The following DNAH11 variants were observed in gnomAD, a reference collection of about 807,000 sequenced individuals.
The protein encoded by DNAH11 is axonemal beta dynein heavy chain 11.
DNAH11 carries 442 observed loss-of-function variants against 526.0 expected under a neutral mutation model. The observed-to-expected ratio is 0.84, with a 90% CI of 0.78 to 0.91. The LOEUF (loss-of-function observed/expected upper bound fraction) is 0.91, where lower values mean the gene tolerates loss of function less well. Among genes scored for constraint, DNAH11 ranks in the 40% least tolerant of loss-of-function variants. The pLI, the probability that DNAH11 is intolerant of heterozygous loss-of-function variation, is 0.00. For synonymous variants in DNAH11, 2,461 were observed against 1,935.9 expected (o/e 1.27, Z -7.12); for missense variants, 6,989 against 5,448.7 (o/e 1.28, Z -8.90).
chr7:21,858,585 G>A (rs1409677621), intron 68 of DNAH11, among the ~76,000 whole-genome samples: 1 of 152,166 alleles, frequency 6.6e-6, no homozygotes, highest in Non-Finnish European at 1.5e-5. Context: ...GTCACCAAAC[G>A]ATTATGTTGA....
intron 45 of DNAH11, among the ~76,000 whole-genome samples, chr7:21,730,875 G>T (rs1263109944): frequency 1.3e-5 from 2 of 152,166 alleles, no homozygotes; most frequent in Non-Finnish European, 2.9e-5. Flanking sequence ...TGGGTGCAGT[G>T]GCTCACACCT....
chr7:21,570,590 G>A (rs564575134), intron 7 of DNAH11: 1 of 230,366 alleles, frequency 4.3e-6, no homozygotes, highest in Admixed American at 5.4e-5. Flanking sequence ...AGAGAGAGTT[G>A]TAAGTCAGGA....
At chr7:21,752,472 C>T (rs934892153) in intron 54 of DNAH11, among the ~76,000 whole-genome samples, 1 of 151,974 alleles carries the variant, frequency 6.6e-6, no homozygotes, top group African/African-American at 2.4e-5. Flanking sequence ...TGTAAGAGTT[C>T]TATGTATTTA....
At chr7:21,583,570 A>C (rs1010880760) in intron 9 of DNAH11, among the ~76,000 whole-genome samples, 1 of 152,260 alleles carries the variant, frequency 6.6e-6, no homozygotes, top group African/African-American at 2.4e-5. Flanking sequence ...AACAAAAGCC[A>C]AAATTGACAA....
At chr7:21,628,341 G>T (rs992066515) in intron 25 of DNAH11, among the ~76,000 whole-genome samples, 3 of 152,090 alleles carry the variant, frequency 2.0e-5, no homozygotes, top group Non-Finnish European at 2.9e-5. Context: ...AATACAAAGA[G>T]TGAAAATGGG....
chr7:21,619,355 A>C (rs1006730926), intron 24 of DNAH11, 133 bp downstream of exon 24: 2 of 1,003,850 alleles, frequency 2.0e-6, no homozygotes, highest in Non-Finnish European at 2.9e-6. Context: ...CCTGCTGTTC[A>C]TTAGGTGTGG....
chr7:21,699,515 C>T (rs1562496548), intron 36 of DNAH11, among the ~76,000 whole-genome samples: 1 of 152,162 alleles, frequency 6.6e-6, no homozygotes, highest in Non-Finnish European at 1.5e-5. Context: ...AGTTACCTTA[C>T]TGCCACGTAT....
rs57333575 is a variant in DNAH11 at position 21,873,784 on chromosome 7, CTTTTTTTTTTT to C, written c.12195+297_12195+307del. Among the ~76,000 whole-genome samples, 10 of 70,700 alleles carry C rather than the reference CTTTTTTTTTTT, an allele frequency of 1.4e-4. 1 individual carries two copies. The highest frequency in any genetic ancestry group is 5.0e-4 in the Admixed American group (2 of 3,968). 46.4% of individuals were successfully genotyped at this position (70,700 alleles called of 152,430 possible). ...ACTAGGTAACTTCTTGAGGAGGTTGCTTTTTTTTTTTTTTTTTTTTTTTTGAGACGGAATCT... is the reference window on the plus strand; with the variant it reads ...ACTAGGTAACTTCTTGAGGAGGTTGCTTTTTTTTTTTTTGAGACGGAATCT... On this transcript the variant is annotated intron_variant, in intron 74 of 81. Coordinates refer to ENST00000409508, the MANE Select transcript of DNAH11 (RefSeq NM_001277115.2).
chr7:21,657,609 C>T (rs1338275314), intron 29 of DNAH11, among the ~76,000 whole-genome samples: 1 of 152,160 alleles, frequency 6.6e-6, no homozygotes, highest in Admixed American at 6.5e-5. Flanking sequence ...AGGAGACATA[C>T]AATAATGACT....
rs181805158 is a variant in DNAH11, at chr7:21,606,488, A to G, written c.3711A>G (p.Ser1237=). 3 of 1,611,252 alleles carry G rather than the reference A, an allele frequency of 1.9e-6. No homozygotes were observed. Among genetic ancestry groups the G allele is most frequent in the Non-Finnish European group, 2.5e-6 (3 of 1,179,298 alleles). ...KIAATVRHEV[S]PLHNAEVTLI... ...CAGCAACTGTCAGACATGAAGTCTC[A>G]CCTCTCCATAATGCGGAAGTCACTC... Residue 1237 remains serine, a synonymous_variant, in exon 19 of 82, where the codon TCA becomes TCG. Transcript: ENST00000409508.
chr7:21,720,946 TG>T, intron 44 of DNAH11, 90 bp downstream of exon 44: 1 of 1,475,740 alleles, frequency 6.8e-7, no homozygotes, highest in Non-Finnish European at 9.1e-7. Context: ...TGTACCTTTT[TG>T]TTATGTTATA....
chr7:21,670,149 G>A (rs1370852579), intron 30 of DNAH11, among the ~76,000 whole-genome samples: 1 of 151,930 alleles, frequency 6.6e-6, no homozygotes, highest in African/African-American at 2.4e-5. Flanking sequence ...AATAATTATG[G>A]TTCTTATAAC....
At chr7:21,620,785 A>C (rs566234144) in intron 25 of DNAH11, among the ~76,000 whole-genome samples, 1 of 136,112 alleles carries the variant, frequency 7.3e-6, no homozygotes, top group South Asian at 2.4e-4. Context: ...TCATTGTTCA[A>C]TTCCCACCTA....
chr7:21,564,473 T>A, intron 6 of DNAH11, 76 bp downstream of exon 6: 2 of 1,051,856 alleles, frequency 1.9e-6, no homozygotes, highest in South Asian at 3.4e-5. Flanking sequence ...TGAAGAATAA[T>A]CTAGTATACA....
chr7:21,585,340 A>G (rs1482663953), intron 9 of DNAH11, among the ~76,000 whole-genome samples: 4 of 152,168 alleles, frequency 2.6e-5, no homozygotes, highest in African/African-American at 9.6e-5. Flanking sequence ...ATGGCAGAGG[A>G]AAAAATTACA....
intron 76 of DNAH11, among the ~76,000 whole-genome samples, chr7:21,892,217 T>C (rs1784350602): frequency 6.6e-6 from 1 of 152,154 alleles, no homozygotes; most frequent in Non-Finnish European, 1.5e-5. Context: ...GGGATAGGAT[T>C]AATGTGTGTT....
chr7:21,587,891 T>G (rs1245546696), intron 9 of DNAH11, among the ~76,000 whole-genome samples, 173 bp from the exon 10 acceptor site: 4 of 152,206 alleles, frequency 2.6e-5, no homozygotes, highest in Admixed American at 1.3e-4. Context: ...GTTTATTGGA[T>G]GTACAGAAAT....
chr7:21,698,191 G>A lies in DNAH11; in HGVS notation c.6158G>A (p.Cys2053Tyr), dbSNP rs1370090094. ...AAGTTCATTACGTTGTACACGCTTT[G>A]CAAGGAGCTTCTCTCCAAGCAGGTG... ...ARKFITLYTL[C>Y]KELLSKQDHY... Residue 2053 changes from cysteine (C) to tyrosine (Y), a missense_variant, in exon 36 of 82, where the codon TGC becomes TAC. Physicochemically the swap from Cys to Tyr is radical, Grantham distance 194. Coordinates refer to ENST00000409508, the MANE Select transcript of DNAH11 (RefSeq NM_001277115.2). 6.2e-7 allele frequency: 1 copy of A among 1,613,484 alleles called. No homozygotes were observed. Among genetic ancestry groups the A allele is most frequent in the Non-Finnish European group, 8.5e-7 (1 of 1,179,650 alleles).
At chr7:21,618,913 A>G (rs898205989) in intron 23 of DNAH11, among the ~76,000 whole-genome samples, 187 bp from the exon 24 acceptor site, 1 of 152,220 alleles carries the variant, frequency 6.6e-6, no homozygotes, top group Non-Finnish European at 1.5e-5. Context: ...TGCTTCCGGC[A>G]GGTGACGCCT....
Sources: allele counts gnomAD v4.1 joint callset (sites outside exome capture counted in the v4.1 genomes callset), GRCh38; gene constraint gnomAD v4.1.1; transcripts MANE v1.5; gene names NCBI Gene and HGNC (gene_info 2026-07-23, HGNC 2026-07-21).